The following KIAA0825 variants were observed in gnomAD, a reference collection of about 807,000 sequenced individuals.
KIAA0825 encodes KIAA0825, also known as uncharacterized protein KIAA0825.
KIAA0825 carries 119 observed loss-of-function variants against 147.6 expected under a neutral mutation model. That is an observed-to-expected ratio of 0.81 (90% CI 0.69 to 0.94). The LOEUF (loss-of-function observed/expected upper bound fraction) is 0.94. KIAA0825 is among the 40% of genes least tolerant of loss of function. The pLI, the probability that KIAA0825 is intolerant of heterozygous loss-of-function variation, is 0.00. For synonymous variants in KIAA0825, 470 were observed against 518.1 expected (o/e 0.91, Z 1.26); for missense variants, 1,381 against 1,472.7 (o/e 0.94, Z 1.02).
intron 10 of KIAA0825, among the ~76,000 whole-genome samples, chr5:94,466,726 G>A (rs1248521211): frequency 9.1e-6 from 1 of 109,548 alleles, no homozygotes; most frequent in African/African-American, 3.7e-5. Flanking sequence ...GACAGAGCGA[G>A]ACTGTGTCTC....
rs2914323 is a variant in KIAA0825, at chr5:94,369,924, A to G, written c.3710+14444T>C. 6.1e-3 allele frequency among the ~76,000 whole-genome samples: 924 copies of G among 152,304 alleles called. 9 individuals carry two copies. Among genetic ancestry groups the G allele is most frequent in the Non-Finnish European group, 9.1e-3 (622 of 68,012 alleles). On this transcript the variant is annotated intron_variant, in intron 20 of 20. Coordinates refer to ENST00000682413, the MANE Select transcript of KIAA0825 (RefSeq NM_001145678.3). ...AAGCCATAGTTTCAGCATAAAACACAAGAAGCCATAGTTTCTTCATAAATG... is the reference window on the plus strand; with the variant it reads ...AAGCCATAGTTTCAGCATAAAACACGAGAAGCCATAGTTTCTTCATAAATG...
At chr5:94,186,757 G>A (rs952409751) in intron 20 of KIAA0825, among the ~76,000 whole-genome samples, 4 of 152,198 alleles carry the variant, frequency 2.6e-5, no homozygotes, top group African/African-American at 4.8e-5. Flanking sequence ...AAAGGACATA[G>A]TTTGGTAAGA....
intron 2 of KIAA0825, among the ~76,000 whole-genome samples, chr5:94,543,969 G>A (rs1168531902): frequency 2.0e-5 from 3 of 152,090 alleles, no homozygotes; most frequent in Admixed American, 1.3e-4. Context: ...CATAAAAATG[G>A]GCAACTAGCA....
At chr5:94,472,302 C>T (rs1761301310) in intron 8 of KIAA0825, among the ~76,000 whole-genome samples, 2 of 152,234 alleles carry the variant, frequency 1.3e-5, no homozygotes, top group Admixed American at 1.3e-4. Context: ...TGTATCTTCT[C>T]TTCCTTAATG....
At chr5:94,596,688 T>G (rs1351513536) in intron 1 of KIAA0825, among the ~76,000 whole-genome samples, 1 of 152,234 alleles carries the variant, frequency 6.6e-6, no homozygotes. Flanking sequence ...TTTAATGATA[T>G]TGAGTCTATC....
intron 20 of KIAA0825, among the ~76,000 whole-genome samples, chr5:94,251,312 C>G (rs1775950372): frequency 6.6e-6 from 1 of 152,102 alleles, no homozygotes; most frequent in African/African-American, 2.4e-5. Flanking sequence ...AACGTCAGCC[C>G]TCTCAGATAA....
At chr5:94,356,721 A>ATTTTTTTTTTT (rs1156680490) in intron 20 of KIAA0825, among the ~76,000 whole-genome samples, 6 of 112,540 alleles carry the variant, frequency 5.3e-5, no homozygotes, top group African/African-American at 7.2e-5. Flanking sequence ...GTTTAACTTG[A>ATTTTTTTTTTT]TTTCTTTTTT....
At chr5:94,170,736 G>A (rs550500986) in intron 20 of KIAA0825, among the ~76,000 whole-genome samples, 1 of 152,288 alleles carries the variant, frequency 6.6e-6, no homozygotes, top group South Asian at 2.1e-4. Context: ...GGATTATGGG[G>A]AGCTGAGGCT....
chr5:94,519,822 A>T, intron 5 of KIAA0825: 2 of 736,776 alleles, frequency 2.7e-6, no homozygotes, highest in Non-Finnish European at 3.3e-6. Flanking sequence ...CTTTTCTGTT[A>T]TGTATATAAC....
intron 20 of KIAA0825, among the ~76,000 whole-genome samples, chr5:94,318,208 C>T (rs561552405): frequency 9.9e-5 from 15 of 151,082 alleles, no homozygotes; most frequent in Middle Eastern, 3.5e-3. Flanking sequence ...TGCACATTTC[C>T]GAAAATTTAA....
chr5:94,520,781 A>G lies in KIAA0825; in HGVS notation c.437T>C (p.Leu146Pro). 6.2e-7 allele frequency: 1 copy of G among 1,613,324 alleles called. No homozygotes were observed. Among genetic ancestry groups the G allele is most frequent in the Non-Finnish European group, 8.5e-7 (1 of 1,179,400 alleles). ...TSFHFLSRTSLHSVEDNSSMD... is the reference protein window; with the variant it reads ...TSFHFLSRTSPHSVEDNSSMD... ...AGAGGAATTATCTTCAACAGAATGA[A>G]GAGACGTCCTAGAGAGGAAATGGAA... The change falls in exon 5 of 21, where the codon CTT (leucine) becomes CCT (proline). Residue 146 changes from leucine to proline, a missense_variant. Coordinates refer to ENST00000682413, the MANE Select transcript of KIAA0825 (RefSeq NM_001145678.3).
At chr5:94,375,633 A>G (rs1747448127) in intron 20 of KIAA0825, among the ~76,000 whole-genome samples, 1 of 152,202 alleles carries the variant, frequency 6.6e-6, no homozygotes, top group Non-Finnish European at 1.5e-5. Context: ...TAACAGGCAA[A>G]GGATTGGAGA....
At chr5:94,341,226 G>C (rs781221084) in intron 20 of KIAA0825, among the ~76,000 whole-genome samples, 11 of 152,178 alleles carry the variant, frequency 7.2e-5, no homozygotes, top group Non-Finnish European at 1.0e-4. Context: ...TTAAAAATAT[G>C]TGAAGTGCCA....
intron 20 of KIAA0825, among the ~76,000 whole-genome samples, chr5:94,298,678 G>A (rs541470606): frequency 2.0e-5 from 3 of 152,112 alleles, no homozygotes; most frequent in East Asian, 3.9e-4. Flanking sequence ...TCTGTCCTGG[G>A]CACATTAGAA....
At chr5:94,552,880 AGAAAG>A (rs1233109636) in intron 2 of KIAA0825, among the ~76,000 whole-genome samples, 1 of 152,232 alleles carries the variant, frequency 6.6e-6, no homozygotes, top group Non-Finnish European at 1.5e-5. Flanking sequence ...TAAGGGGTAA[AGAAAG>A]GAAGTCATTT....
intron 20 of KIAA0825, among the ~76,000 whole-genome samples, chr5:94,238,861 G>T (rs761491059): frequency 3.9e-5 from 6 of 152,078 alleles, no homozygotes; most frequent in Admixed American, 1.3e-4. Flanking sequence ...ATCAACGTTA[G>T]TGCAAGATTA....
chr5:94,587,065 G>A (rs1783442642), intron 1 of KIAA0825, among the ~76,000 whole-genome samples: 1 of 152,132 alleles, frequency 6.6e-6, no homozygotes, highest in African/African-American at 2.4e-5. Flanking sequence ...AGCTATTTAT[G>A]ACAAACCTAC....
chr5:94,596,562 C>A (rs1314318276), intron 1 of KIAA0825, among the ~76,000 whole-genome samples: 1 of 152,136 alleles, frequency 6.6e-6, no homozygotes, highest in Non-Finnish European at 1.5e-5. Flanking sequence ...GCTATTTGGG[C>A]TCCTTTTGTT....
intron 17 of KIAA0825, 108 bp from the exon 18 acceptor site, chr5:94,391,802 A>G: frequency 1.0e-6 from 1 of 953,758 alleles, no homozygotes; most frequent in East Asian, 2.8e-5. Context: ...GATTCAAAGC[A>G]TCCATAAAGA....
Sources: allele counts gnomAD v4.1 joint callset (sites outside exome capture counted in the v4.1 genomes callset), GRCh38; gene constraint gnomAD v4.1.1; transcripts MANE v1.5; gene names NCBI Gene and HGNC (gene_info 2026-07-23, HGNC 2026-07-21).